The following SDK1 variants were observed in gnomAD, a reference collection of about 807,000 sequenced individuals.
SDK1 encodes the protein protein sidekick-1.
Under a neutral mutation model 245.5 loss-of-function variants are expected in SDK1, and 157 were observed. The observed-to-expected ratio is 0.64, with a 90% confidence interval of 0.56 to 0.73. SDK1 has a LOEUF of 0.73. SDK1 is among the 30% of genes least tolerant of loss of function. SDK1 has a pLI of 0.00. For synonymous variants in SDK1, 1,647 were observed against 1,278.5 expected (o/e 1.29, Z -6.15); for missense variants, 3,583 against 3,002.3 (o/e 1.19, Z -4.52).
rs186430886 is a variant in SDK1, at chr7:3,968,959, C to A, written c.1547-298C>A. On this transcript the variant is annotated intron_variant, in intron 10 of 44. Coordinates refer to ENST00000404826, the MANE Select transcript of SDK1 (RefSeq NM_152744.4). The stretch of plus-strand genomic sequence containing the variant: ...TGGTGGAAGGTGAAGAGGAAGCAGG[C>A]GCATCTCACAAGGCTGCAAGAGAGA... Among the ~76,000 whole-genome samples, 3 of 152,222 alleles carry A rather than the reference C, an allele frequency of 2.0e-5. No individual in the cohort carries two copies. The East Asian group carries it at 5.8e-4, about 29-fold the overall frequency.
chr7:3,980,459 T>C lies in SDK1; in HGVS notation c.1994+5914T>C, dbSNP rs562812841. On this transcript the variant is annotated intron_variant, in intron 13 of 44. Coordinates refer to ENST00000404826, the MANE Select transcript of SDK1 (RefSeq NM_152744.4). Reference sequence around the variant, plus strand: ...ATCAGCCTCTGTGCTTATCACTGTCTGTGAGTCACTCTACTGATCATTTAT... The same window carrying C: ...ATCAGCCTCTGTGCTTATCACTGTCCGTGAGTCACTCTACTGATCATTTAT... Among the ~76,000 whole-genome samples, 75 of 152,356 alleles carry C rather than the reference T, an allele frequency of 4.9e-4. 1 individual carries two copies. The highest frequency in any genetic ancestry group is 1.4e-3 in the African/African-American group (59 of 41,586).
intron 4 of SDK1, among the ~76,000 whole-genome samples, chr7:3,766,625 A>G (rs1322387006): frequency 2.0e-5 from 3 of 152,204 alleles, no homozygotes; most frequent in Non-Finnish European, 4.4e-5. Flanking sequence ...TTTAGTAAGG[A>G]CATGCAAGAT....
chr7:3,664,505 G>A (rs552814560), intron 4 of SDK1, among the ~76,000 whole-genome samples: 30 of 152,254 alleles, frequency 2.0e-4, no homozygotes, highest in African/African-American at 6.5e-4. Flanking sequence ...TTGGGAGGCC[G>A]AGGTGGGTGG....
chr7:3,521,723 G>C (rs1782946743), intron 1 of SDK1, among the ~76,000 whole-genome samples: 1 of 152,164 alleles, frequency 6.6e-6, no homozygotes, highest in South Asian at 2.1e-4. Context: ...TGAACAAATA[G>C]GATGTAGGAT....
intron 1 of SDK1, among the ~76,000 whole-genome samples, chr7:3,475,781 C>T (rs1173453729): frequency 6.6e-6 from 1 of 152,042 alleles, no homozygotes; most frequent in African/African-American, 2.4e-5. Flanking sequence ...GACAGTCTTC[C>T]ACAGATGCAC....
chr7:3,635,638 G>T (rs1782434649), intron 2 of SDK1, among the ~76,000 whole-genome samples: 1 of 152,164 alleles, frequency 6.6e-6, no homozygotes. Context: ...TTTTGGGTGG[G>T]TAAAGTGTAC....
At position 4,175,333 on chromosome 7, in the gene SDK1, G is replaced by T. The variant is rs115331486; in HGVS notation, c.4937-442G>T. Among the ~76,000 whole-genome samples the T allele has an allele frequency of 5.0e-3, 764 of 152,328 alleles. 8 individuals carry two copies. The highest frequency in any genetic ancestry group is 0.017 in the African/African-American group (716 of 41,578). ...AAAATCAAAACAGCACAGTAGAAGG[G>T]CCCCGGGATGCGGCTGGGCTTACGC... On this transcript the variant is annotated intron_variant, in intron 33 of 44. Coordinates refer to ENST00000404826, the MANE Select transcript of SDK1 (RefSeq NM_152744.4).
intron 5 of SDK1, among the ~76,000 whole-genome samples, chr7:3,848,124 T>C (rs1346092830): frequency 6.6e-6 from 1 of 152,250 alleles, no homozygotes; most frequent in Non-Finnish European, 1.5e-5. Context: ...CGAGCTGTTA[T>C]GATGATAGTT....
intron 5 of SDK1, among the ~76,000 whole-genome samples, chr7:3,911,617 C>G (rs1476678056): frequency 6.6e-6 from 1 of 152,226 alleles, no homozygotes; most frequent in Non-Finnish European, 1.5e-5. Flanking sequence ...CAGGTTTCAA[C>G]ATATGAATTT....
intron 1 of SDK1, among the ~76,000 whole-genome samples, chr7:3,341,502 A>C (rs1023569900): frequency 5.3e-5 from 8 of 152,216 alleles, no homozygotes; most frequent in Non-Finnish European, 8.8e-5. Context: ...AAAGATATCC[A>C]GACCAAAAAG....
intron 1 of SDK1, among the ~76,000 whole-genome samples, chr7:3,588,094 C>T (rs1408176620): frequency 1.3e-5 from 2 of 152,160 alleles, no homozygotes; most frequent in Non-Finnish European, 2.9e-5. Flanking sequence ...GGTGGATCTA[C>T]GAGCCCTGTA....
intron 4 of SDK1, among the ~76,000 whole-genome samples, chr7:3,721,053 C>T (rs1785351959): frequency 1.3e-5 from 2 of 152,150 alleles, no homozygotes; most frequent in South Asian, 4.1e-4. Context: ...CCTCAAGTTA[C>T]ACAGTTACAG....
Position 3,948,920 on chromosome 7 carries a change from C to A in SDK1, c.848-2003C>A, listed in dbSNP as rs989148273. 9.2e-5 allele frequency among the ~76,000 whole-genome samples: 14 copies of A among 152,332 alleles called. No homozygotes were observed. In the East Asian group the frequency reaches 2.7e-3, roughly 29 times the overall value. ...TTCAGCATTAGCCACTGCCTCCCTT[C>A]ACTTCACATAACTATTTGCAAATAT... On this transcript the variant is annotated intron_variant, in intron 5 of 44. Transcript: ENST00000404826.
chr7:3,965,967 A>G (rs766522979), intron 9 of SDK1, among the ~76,000 whole-genome samples: 3 of 151,830 alleles, frequency 2.0e-5, no homozygotes, highest in Non-Finnish European at 4.4e-5. Context: ...CAGGGTGGCC[A>G]TGACGGGCTG....
intron 14 of SDK1, 152 bp downstream of exon 14, chr7:3,987,474 G>A (rs1783951029): frequency 8.6e-6 from 7 of 810,728 alleles, no homozygotes; most frequent in South Asian, 1.8e-5. Flanking sequence ...CTGCCCTTTA[G>A]GAAAGAAAAA....
Position 4,026,153 on chromosome 7 carries a change from G to A in SDK1, c.2602+8801G>A, listed in dbSNP as rs983310513. On this transcript the variant is annotated intron_variant, in intron 17 of 44. Coordinates refer to ENST00000404826, the MANE Select transcript of SDK1 (RefSeq NM_152744.4). The surrounding 1 kb of genome is among the most constrained non-coding windows in gnomAD (Gnocchi z 4.1). ...GTATGGAAAAGGCCCCTTGCCCCAC[G>A]GCTGGAGAGGGGAGCTGGTCGTGGG... Among the ~76,000 whole-genome samples the A allele has an allele frequency of 1.3e-5, 2 of 152,220 alleles. No homozygotes were observed. The highest frequency in any genetic ancestry group is 6.5e-5 in the Admixed American group (1 of 15,282).
At chr7:3,833,017 A>T (rs1231834088) in intron 5 of SDK1, among the ~76,000 whole-genome samples, 1 of 152,142 alleles carries the variant, frequency 6.6e-6, no homozygotes, top group Non-Finnish European at 1.5e-5. Flanking sequence ...TTAGAGCATC[A>T]TAAAAATGTG....
Position 3,962,230 on chromosome 7 carries a change from T to C in SDK1, c.1235-427T>C, listed in dbSNP as rs147754978. ...CCAAGGTGACACTGTCCGCGAGGCA[T>C]GGACCTGGGATGTGGCCTGTGTCCT... On this transcript the variant is annotated intron_variant, in intron 8 of 44. Coordinates refer to ENST00000404826, the MANE Select transcript of SDK1 (RefSeq NM_152744.4). Among the ~76,000 whole-genome samples the C allele has an allele frequency of 2.3e-4, 35 of 152,358 alleles. No homozygotes were observed. The South Asian group carries it at 5.6e-3, about 24-fold the overall frequency.
In SDK1 at chr7:3,945,899, TAAAAAAAAA is replaced by T. The variant is rs754101246; in HGVS notation, c.848-4998_848-4990del. Among the ~76,000 whole-genome samples, 25 of 13,680 alleles carry T rather than the reference TAAAAAAAAA, an allele frequency of 1.8e-3. No homozygotes were observed. In the East Asian group the frequency reaches 0.03, roughly 17 times the overall value. 9.0% of individuals were successfully genotyped at this position (13,680 alleles called of 152,430 possible). On this transcript the variant is annotated intron_variant, in intron 5 of 44. Transcript: ENST00000404826. ...GGGCAACAGAGCAAGACTCTGTCTG[TAAAAAAAAA>T]AAAAAAAAAAAAAAAAAAAAAAAAA... is the stretch of plus-strand genomic sequence containing the variant.
Sources: gnomAD v4.1 joint callset for allele counts (sites outside exome capture counted in the v4.1 genomes callset) on GRCh38, gnomAD v4.1.1 for gene constraint, Gnocchi (gnomAD v3.1) non-coding constraint, MANE v1.5 for transcripts, NCBI Gene and HGNC (gene_info 2026-07-23, HGNC 2026-07-21) for gene names.